The following APBB1 variants were observed in gnomAD, a reference collection of about 807,000 sequenced individuals.
APBB1 encodes the protein adaptor protein FE65a2.
A neutral mutation model predicts 78.4 loss-of-function variants in APBB1; 22 were observed. The observed-to-expected ratio is 0.28, with a 90% CI of 0.20 to 0.40. The LOEUF is 0.40. Ranked by LOEUF, APBB1 falls within the 10% of genes least tolerant of loss-of-function variation. The pLI is 1.00. For synonymous variants in APBB1, 369 were observed against 372.7 expected, an observed-to-expected ratio of 0.99 and a Z score of 0.12; for missense variants, 749 against 932.4, an observed-to-expected ratio of 0.80 and a Z score of 2.56.
rs752483291 is a variant in APBB1, at chr11:6,401,515, C to A, written c.1503+59G>T. The A allele has an allele frequency of 5.6e-6, 9 of 1,613,600 alleles. No individual in the cohort carries two copies. Among genetic ancestry groups the A allele is most frequent in the Middle Eastern group, 3.3e-4 (2 of 6,062 alleles). On this transcript the variant is annotated intron_variant, in intron 10 of 14. Coordinates refer to ENST00000609360, the MANE Select transcript of APBB1 (RefSeq NM_001164.5). The surrounding 1 kb of genome is among the most constrained non-coding windows in gnomAD (Gnocchi z 4.5). ...GCCCCCCTACAGCACTCAGTGACCC[C>A]ACCCACACCCTTGTAGAGCAAAGGT...
Position 6,403,802 on chromosome 11 carries a change from C to T in APBB1, c.742G>A (p.Ala248Thr). Residue 248 changes from alanine to threonine, a missense_variant, in exon 3 of 15, where the codon GCC becomes ACC. Around this residue, in one of 3 missense-constraint regions of APBB1, gnomAD observed 635 missense variants for 765.0 expected, o/e 0.83. Transcript: ENST00000609360. The surrounding 1 kb of genome is among the most constrained non-coding windows in gnomAD (Gnocchi z 5.3). ...GGCAGGTCGGAATCCGTCTCGAAGG[C>T]GTTGGGGTTCCAGAAGGAATCTGCC... ...EDTDSFWNPN[A>T]FETDSDLPAG... 1.3e-6 allele frequency: 2 copies of T among 1,554,234 alleles called. No individual in the cohort carries two copies. The highest frequency in any genetic ancestry group is 1.2e-5 in the South Asian group (1 of 81,996).
chr11:6,400,771 C>T (rs1447471527), intron 12 of APBB1, among the ~76,000 whole-genome samples: 1 of 152,166 alleles, frequency 6.6e-6, no homozygotes, highest in Non-Finnish European at 1.5e-5. Flanking sequence ...CAGCACCACT[C>T]ACGTGGCTGA....
rs1388628637 is a variant in APBB1 at position 6,395,311 on chromosome 11, G to A, written c.*223C>T. On this transcript the variant is annotated 3_prime_UTR_variant, in exon 15 of 15. Coordinates refer to ENST00000609360, the MANE Select transcript of APBB1 (RefSeq NM_001164.5). The surrounding 1 kb of genome is among the most constrained non-coding windows in gnomAD (Gnocchi z 5.2). ...CACATGGGGATGGAGAACCAGGGCTGGCCTTGCTTCCTGCTCCTCTTGTTA... is the reference window on the plus strand; with the variant it reads ...CACATGGGGATGGAGAACCAGGGCTAGCCTTGCTTCCTGCTCCTCTTGTTA... 9.1e-6 allele frequency: 4 copies of A among 438,608 alleles called. No homozygotes were observed. Among genetic ancestry groups the A allele is most frequent in the Non-Finnish European group, 1.6e-5 (4 of 252,538 alleles). 27.2% of individuals were successfully genotyped at this position (438,608 alleles called of 1,614,324 possible).
At chr11:6,404,803 C>T in intron 2 of APBB1, 1 of 1,536,182 alleles carries the variant, frequency 6.5e-7, no homozygotes, top group South Asian at 1.2e-5. Context: ...ACATGGCGCT[C>T]ATTCCCGGCC....
At chr11:6,413,637 T>C (rs1224562950) in intron 1 of APBB1, among the ~76,000 whole-genome samples, 4 of 151,946 alleles carry the variant, frequency 2.6e-5, no homozygotes, top group Non-Finnish European at 5.9e-5. Flanking sequence ...AATTCTTTTT[T>C]TTTTTTTCTT....
Position 6,411,915 on chromosome 11 carries a change from G to C in APBB1, c.-14-554C>G, listed in dbSNP as rs1005392558. 7.2e-5 allele frequency among the ~76,000 whole-genome samples: 11 copies of C among 152,232 alleles called. No homozygotes were observed. The highest frequency in any genetic ancestry group is 2.0e-4 in the Admixed American group (3 of 15,292). ...TGAGGACAGGAGCAAATAAGCTGCA[G>C]AACCAGCCCTACAGGGCATGGCACT... On this transcript the variant is annotated intron_variant, in intron 1 of 14. Transcript: ENST00000609360. The surrounding 1 kb of genome is among the most constrained non-coding windows in gnomAD (Gnocchi z 5.2).
At position 6,395,363 on chromosome 11, in the gene APBB1, A is replaced by C; in HGVS notation, c.*171T>G. 1.5e-6 allele frequency: 1 copy of C among 648,954 alleles called. No individual in the cohort carries two copies. 40.2% of individuals were successfully genotyped at this position (648,954 alleles called of 1,614,324 possible). A position where few individuals can be genotyped will look rare whatever the true frequency, so the allele number is the denominator to read the frequency against. Reference sequence around the variant, plus strand: ...CACTCCAGTGTTATCACTTCCTTGAAGGGATTAGATCTCTCCCTCCCCAGC... The same window carrying C: ...CACTCCAGTGTTATCACTTCCTTGACGGGATTAGATCTCTCCCTCCCCAGC... On this transcript the variant is annotated 3_prime_UTR_variant, in exon 15 of 15. Transcript: ENST00000609360. The surrounding 1 kb of genome is among the most constrained non-coding windows in gnomAD (Gnocchi z 5.2).
chr11:6,400,892 G>T, intron 12 of APBB1, 97 bp downstream of exon 12: 1 of 1,128,742 alleles, frequency 8.9e-7, no homozygotes, highest in Non-Finnish European at 1.4e-6. Flanking sequence ...CACCAAGCAT[G>T]AGGAAGGTCT....
rs2134099863 is a variant in APBB1, at chr11:6,410,794, C to G, written c.554G>C (p.Ser185Thr). The G allele has an allele frequency of 6.2e-7, 1 of 1,610,926 alleles. No individual in the cohort carries two copies. Among genetic ancestry groups the G allele is most frequent in the South Asian group, 1.1e-5 (1 of 90,836 alleles). Residue 185 changes from serine (S) to threonine (T), a missense_variant, in exon 2 of 15, where the codon AGT becomes ACT. Physicochemically the swap from Ser to Thr is moderately conservative, Grantham distance 58 (BLOSUM62 1). This residue lies in a region of APBB1 where 635 missense variants were observed against 765.0 expected (regional missense o/e 0.83). Transcript: ENST00000609360. ...TTGGGGCCTGGGAGGGGCCTCCACA[C>G]TCTCCAGGGGCTCAGGCAGCCCTGG... is the stretch of plus-strand genomic sequence containing the variant. ...SPPGLPEPLE[S>T]VEAPPRPQAL...
rs559221967 is a variant in APBB1 at position 6,404,841 on chromosome 11, A to C, written c.722-1019T>G. 1.6e-5 allele frequency: 25 copies of C among 1,532,338 alleles called. No individual in the cohort carries two copies. The African/African-American group carries it at 3.3e-4, about 20-fold the overall frequency. The allele number at this position is 1,532,338 out of a possible 1,614,324, so 94.9% of individuals were successfully genotyped here. ...TCCTGCCTCCACCCTCCCTCCTCAC[A>C]GCCCCTCCAGCCCAGCCAGCTGGGC... is the stretch of plus-strand genomic sequence containing the variant. On this transcript the variant is annotated intron_variant, in intron 2 of 14. Transcript: ENST00000609360.
intron 12 of APBB1, among the ~76,000 whole-genome samples, chr11:6,397,950 G>A (rs770606934): frequency 1.3e-5 from 2 of 152,196 alleles, no homozygotes; most frequent in African/African-American, 2.4e-5. Flanking sequence ...AGAGGGGTGT[G>A]ATGTTTATGA....
At position 6,411,201 on chromosome 11, in the gene APBB1, G is replaced by A. The variant is rs1269998069; in HGVS notation, c.147C>T (p.Asp49=). 6 of 1,607,602 alleles carry A rather than the reference G, an allele frequency of 3.7e-6. No individual in the cohort carries two copies. The African/African-American group carries it at 8.0e-5, about 21-fold the overall frequency. ...CACCCTCCCCCATGGCGCTGCGCAGGTCCTTGGGTCCCACAGCTGTGGCCT... is the reference window on the plus strand; with the variant it reads ...CACCCTCCCCCATGGCGCTGCGCAGATCCTTGGGTCCCACAGCTGTGGCCT... The part of the protein sequence containing the change: ...KLQATAVGPK[D]LRSAMGEGGG... Residue 49 remains aspartate, a synonymous_variant, in exon 2 of 15, where the codon GAC becomes GAT. Transcript: ENST00000609360. The surrounding 1 kb of genome is among the most constrained non-coding windows in gnomAD (Gnocchi z 5.2).
intron 12 of APBB1, chr11:6,396,597 C>A: frequency 4.2e-6 from 1 of 236,500 alleles, no homozygotes; most frequent in Non-Finnish European, 8.2e-6. Flanking sequence ...ACCCTACAGG[C>A]CAGTCCTCTC....
chr11:6,405,421 G>T (rs559499820), intron 2 of APBB1: 3 of 986,998 alleles, frequency 3.0e-6, no homozygotes, highest in Non-Finnish European at 3.6e-6. Flanking sequence ...GCGTCTCCTC[G>T]GCAACCGCAG....
intron 7 of APBB1, 28 bp from the exon 8 acceptor site, chr11:6,402,237 G>A: frequency 1.2e-6 from 2 of 1,610,670 alleles, no homozygotes; most frequent in Admixed American, 1.7e-5. Flanking sequence ...GGCACTCAGT[G>A]GGACTCCAGC....
At chr11:6,404,545 T>A (rs954715053) in intron 2 of APBB1, 2 of 1,522,338 alleles carry the variant, frequency 1.3e-6, no homozygotes, top group African/African-American at 2.7e-5. Context: ...CCACAGACGC[T>A]CACTTCCTGA....
intron 12 of APBB1, among the ~76,000 whole-genome samples, chr11:6,397,948 G>A (rs1469430527): frequency 1.3e-5 from 2 of 152,202 alleles, no homozygotes; most frequent in East Asian, 1.9e-4. Flanking sequence ...GCAGAGGGGT[G>A]TGATGTTTAT....
chr11:6,414,403 T>A (rs1055811047), intron 1 of APBB1, among the ~76,000 whole-genome samples: 1 of 152,210 alleles, frequency 6.6e-6, no homozygotes. Context: ...TATCAGAATA[T>A]CTGAGACGGT....
chr11:6,396,708 C>G (rs1848246164), intron 12 of APBB1: 1 of 156,556 alleles, frequency 6.4e-6, no homozygotes. Flanking sequence ...TGTGCCCACA[C>G]AACAACATCA....
Sources: gnomAD v4.1 joint callset for allele counts (sites outside exome capture counted in the v4.1 genomes callset) on GRCh38, gnomAD v4.1.1 for gene constraint, gnomAD v4.1.1 regional missense constraint, Gnocchi (gnomAD v3.1) non-coding constraint, MANE v1.5 for transcripts, NCBI Gene and HGNC (gene_info 2026-07-23, HGNC 2026-07-21) for gene names.